Variants in IGSF5 observed in about 807,000 individuals in gnomAD.
IGSF5 encodes immunoglobulin superfamily 5 like.
IGSF5 carries 41 observed loss-of-function variants against 39.4 expected under a neutral mutation model. The ratio of observed to expected loss-of-function variants is 1.04; its 90% CI spans 0.81 to 1.35. The LOEUF (loss-of-function observed/expected upper bound fraction) is 1.35, where lower values mean the gene tolerates loss of function less well. Among genes scored for constraint, IGSF5 ranks in the 40% most tolerant of loss-of-function variants. The pLI is 0.00. For missense variants in IGSF5, 487 were observed against 494.6 expected (o/e 0.98, Z 0.15); for synonymous variants, 183 against 175.3 (o/e 1.04, Z -0.34).
rs2086967544 is a variant in IGSF5, at chr21:39,791,895, G to A, written c.957-113G>A. The A allele has an allele frequency of 5.6e-5, 39 of 700,064 alleles. 2 individuals carry two copies. In the South Asian group the frequency reaches 7.2e-4, roughly 13 times the overall value. 43.4% of individuals were successfully genotyped at this position (700,064 alleles called of 1,614,324 possible). ...GGACTTCCTGTGTTAAGTTCAATGT[G>A]TAAGCATACTCTTGAGAGTAACCAC... On this transcript the variant is annotated intron_variant, in intron 6 of 8. Coordinates refer to ENST00000380588, the MANE Select transcript of IGSF5 (RefSeq NM_001080444.2).
chr21:39,725,167 G>A, the IGSF5 span, among the ~76,000 whole-genome samples: 1 of 152,228 alleles, frequency 6.6e-6, no homozygotes, highest in Non-Finnish European at 1.5e-5. Flanking sequence ...CCATGGCTCT[G>A]CTACAGAGTC....
intron 2 of IGSF5, among the ~76,000 whole-genome samples, chr21:39,762,908 C>A (rs1077588): frequency 2.0e-5 from 3 of 151,844 alleles, no homozygotes; most frequent in Non-Finnish European, 4.4e-5. Context: ...GGGAGGTTCT[C>A]GGGCGGGAGG....
the IGSF5 span, among the ~76,000 whole-genome samples, chr21:39,719,155 C>T: frequency 1.3e-5 from 2 of 152,122 alleles, no homozygotes; most frequent in African/African-American, 2.4e-5. Flanking sequence ...ATGAAAATTT[C>T]TGTATTTCTT....
intron 8 of IGSF5, among the ~76,000 whole-genome samples, chr21:39,797,066 C>T (rs771264213): frequency 3.9e-5 from 6 of 152,176 alleles, no homozygotes; most frequent in Admixed American, 2.0e-4. Context: ...TAATGGATGA[C>T]TGTTGACTAC....
At chr21:39,800,698 C>T (rs769523117) in intron 8 of IGSF5, among the ~76,000 whole-genome samples, 1 of 152,168 alleles carries the variant, frequency 6.6e-6, no homozygotes, top group Non-Finnish European at 1.5e-5. Context: ...TCAGGACTGG[C>T]AGGAAAAAAG....
At chr21:39,793,652 G>A (rs750072174) in intron 8 of IGSF5, 39 bp downstream of exon 8, 2 of 1,544,596 alleles carry the variant, frequency 1.3e-6, no homozygotes, top group East Asian at 4.5e-5. Flanking sequence ...GACTTTTTTG[G>A]CTATTTAAAA....
chr21:39,743,897 T>C (rs1232004003), upstream of IGSF5, among the ~76,000 whole-genome samples: 3 of 152,154 alleles, frequency 2.0e-5, no homozygotes, highest in African/African-American at 4.8e-5. Context: ...ATTTCTTTCT[T>C]AGCGTCTGAG....
intron 8 of IGSF5, among the ~76,000 whole-genome samples, chr21:39,796,496 C>A (rs2086996792): frequency 6.6e-6 from 1 of 152,212 alleles, no homozygotes; most frequent in Non-Finnish European, 1.5e-5. Flanking sequence ...CCTTATAGAG[C>A]CCAGGAGAGA....
At chr21:39,713,204 G>T in the IGSF5 span, among the ~76,000 whole-genome samples, 1 of 152,218 alleles carries the variant, frequency 6.6e-6, no homozygotes, top group Non-Finnish European at 1.5e-5. Flanking sequence ...AGAAGTGGTG[G>T]ATGACAGGCA....
At chr21:39,769,949 A>G (rs2080105840) in intron 3 of IGSF5, among the ~76,000 whole-genome samples, 1 of 152,238 alleles carries the variant, frequency 6.6e-6, no homozygotes, top group South Asian at 2.1e-4. Context: ...AGAAGTGCTG[A>G]TCTGGTCAAA....
intron 5 of IGSF5, among the ~76,000 whole-genome samples, chr21:39,786,232 A>G (rs1309268833): frequency 1.3e-5 from 2 of 152,102 alleles, no homozygotes; most frequent in East Asian, 3.9e-4. Context: ...AATATCCAGA[A>G]TCTACAATGA....
chr21:39,793,675 T>G (rs896653783), intron 8 of IGSF5, 62 bp downstream of exon 8: 11 of 1,292,122 alleles, frequency 8.5e-6, no homozygotes, highest in Non-Finnish European at 1.1e-5. Flanking sequence ...TCTTACCTTG[T>G]TGTGGGTGAT....
intron 8 of IGSF5, among the ~76,000 whole-genome samples, chr21:39,797,322 G>A (rs1435767521): frequency 6.7e-6 from 1 of 150,046 alleles, no homozygotes; most frequent in Non-Finnish European, 1.5e-5. Context: ...AGGTTCAAGC[G>A]ATTCTCCTGC....
intron 4 of IGSF5, among the ~76,000 whole-genome samples, chr21:39,777,524 G>A (rs1036903170): frequency 6.6e-6 from 1 of 152,110 alleles, no homozygotes; most frequent in Non-Finnish European, 1.5e-5. Flanking sequence ...CTTCAGCTCC[G>A]GGGCTGGGAA....
chr21:39,796,437 C>T lies in IGSF5; in HGVS notation c.1128+2824C>T, dbSNP rs547185490. On this transcript the variant is annotated intron_variant, in intron 8 of 8. Transcript: ENST00000380588. The stretch of plus-strand genomic sequence containing the variant: ...GTCCAAGGTGTGAAAACAATGCAGT[C>T]GTGCCTTCTTTTCTCAAAACTTTCT... Among the ~76,000 whole-genome samples the T allele has an allele frequency of 5.3e-5, 8 of 152,310 alleles. No individual in the cohort carries two copies. The South Asian group carries it at 6.2e-4, about 12-fold the overall frequency.
intron 6 of IGSF5, 115 bp from the exon 7 acceptor site, chr21:39,791,893 G>A: frequency 1.5e-6 from 1 of 688,702 alleles, no homozygotes; most frequent in Non-Finnish European, 2.5e-6. Flanking sequence ...TAAGTTCAAT[G>A]TGTAAGCATA....
At chr21:39,748,301 C>CTTTTTTTTTTT (rs60669244) in intron 2 of IGSF5, among the ~76,000 whole-genome samples, 3,542 of 58,244 alleles carry the variant, frequency 0.061, 1,095 homozygotes, top group Non-Finnish European at 0.092. Flanking sequence ...AAAACAAGAT[C>CTTTTTTTTTTT]TTTTTTTTTT....
chr21:39,746,315 CT>C lies in IGSF5; in HGVS notation c.100+18del, dbSNP rs774699448. On this transcript the variant is annotated intron_variant, in intron 2 of 8. Transcript: ENST00000380588. ...TGGTGGACGGTGAGTGAAAGCTCAGCTCGAGCCGTAACAAACACGGACCAGA... is the reference window on the plus strand; with the variant it reads ...TGGTGGACGGTGAGTGAAAGCTCAGCCGAGCCGTAACAAACACGGACCAGA... 23 of 699,694 alleles carry C rather than the reference CT, an allele frequency of 3.3e-5. No homozygotes were observed. The highest frequency in any genetic ancestry group is 2.6e-6 in the Non-Finnish European group (1 of 384,388). The allele number at this position is 699,694 out of a possible 1,614,324, so 43.3% of individuals were successfully genotyped here.
intron 8 of IGSF5, among the ~76,000 whole-genome samples, chr21:39,799,385 G>A (rs956768050): frequency 6.6e-6 from 1 of 152,182 alleles, no homozygotes; most frequent in Non-Finnish European, 1.5e-5. Context: ...AACACACTGG[G>A]TTCTTGTTAA....
Sources: gnomAD v4.1 joint callset for allele counts (sites outside exome capture counted in the v4.1 genomes callset) on GRCh38, gnomAD v4.1.1 for gene constraint, MANE v1.5 for transcripts, NCBI Gene and HGNC (gene_info 2026-07-23, HGNC 2026-07-21) for gene names.